FAM210B: variants seen among roughly 807,000 people sequenced by gnomAD.
The protein encoded by FAM210B is mitochondrial inner membrane scaffold 2, also known as family with sequence similarity 210 member B.
FAM210B carries 11 observed loss-of-function variants against 14.9 expected under a neutral mutation model. The observed-to-expected ratio is 0.74, with a 90% confidence interval of 0.46 to 1.22. The LOEUF is 1.22. Ranked by LOEUF, FAM210B falls within the 50% of genes most tolerant of loss-of-function variation. FAM210B has a pLI of 0.00. For missense variants in FAM210B, 229 were observed against 250.1 expected (o/e 0.92, Z 0.57); for synonymous variants, 113 against 110.2 (o/e 1.03, Z -0.16).
intron 1 of FAM210B, among the ~76,000 whole-genome samples, chr20:56,361,526 C>T (rs1022647378): frequency 6.6e-6 from 1 of 152,182 alleles, no homozygotes; most frequent in African/African-American, 2.4e-5. Context: ...GACCCAGACT[C>T]AGCGAGTTTG....
At position 56,366,600 on chromosome 20, in the gene FAM210B, G is replaced by C; in HGVS notation, c.*313G>C. ...GTTCCTTGTGGGAGACTTTGGCGAG[G>C]GTCTGTGGGTAAAAGCACCAGGGGG... is the stretch of plus-strand genomic sequence containing the variant. On this transcript the variant is annotated 3_prime_UTR_variant, in exon 3 of 3. Transcript: ENST00000371384. The C allele has an allele frequency of 3.9e-6, 1 of 254,844 alleles. No homozygotes were observed. The highest frequency in any genetic ancestry group is 7.6e-6 in the Non-Finnish European group (1 of 132,270). The allele number at this position is 254,844 out of a possible 1,614,324, so 15.8% of individuals were successfully genotyped here. A position where few individuals can be genotyped will look rare whatever the true frequency, so the allele number is the denominator to read the frequency against.
At chr20:56,365,018 T>TG in intron 1 of FAM210B, 69 bp from the exon 2 acceptor site, 1 of 1,446,746 alleles carries the variant, frequency 6.9e-7, no homozygotes, top group South Asian at 1.3e-5. Flanking sequence ...ATTGCATGCG[T>TG]GTATAAAAGC....
Position 56,359,100 on chromosome 20 carries a change from G to A in FAM210B, c.95G>A (p.Cys32Tyr). The change falls in exon 1 of 3, where the codon TGC becomes TAC. Residue 32 changes from cysteine (C) to tyrosine (Y), a missense_variant. Coordinates refer to ENST00000371384, the MANE Select transcript of FAM210B (RefSeq NM_080821.3). This position sits in a 1 kb window ranked among gnomAD's most constrained non-coding sequence, Gnocchi z 4.3. Reference protein sequence around the residue: ...ATWLLGATAPCAPPPLALALL... With the variant: ...ATWLLGATAPYAPPPLALALL... ...TGGCTCCTGGGCGCCACCGCCCCCT[G>A]CGCCCCGCCGCCCCTGGCCCTGGCC... 7.5e-7 allele frequency: 1 copy of A among 1,338,352 alleles called. No individual in the cohort carries two copies. Among genetic ancestry groups the A allele is most frequent in the East Asian group, 3.2e-5 (1 of 30,926 alleles). 82.9% of individuals were successfully genotyped at this position (1,338,352 alleles called of 1,614,324 possible). A position where few individuals can be genotyped will look rare whatever the true frequency, so the allele number is the denominator to read the frequency against.
rs1002190065 is a variant in FAM210B at position 56,359,549 on chromosome 20, G to C, written c.186+358G>C. Among the ~76,000 whole-genome samples, 1 of 152,192 alleles carries C rather than the reference G, an allele frequency of 6.6e-6. No individual in the cohort carries two copies. Among genetic ancestry groups the C allele is most frequent in the South Asian group, 2.1e-4 (1 of 4,834 alleles). Reference sequence around the variant, plus strand: ...GTTGTTGTCCAGGCCTTCTGGCTGGGTCTCGCTGTGTTTTGAACACCTCCC... The same window carrying C: ...GTTGTTGTCCAGGCCTTCTGGCTGGCTCTCGCTGTGTTTTGAACACCTCCC... On this transcript the variant is annotated intron_variant, in intron 1 of 2. Transcript: ENST00000371384. This position sits in a 1 kb window ranked among gnomAD's most constrained non-coding sequence, Gnocchi z 4.3.
intron 1 of FAM210B, 44 bp from the exon 2 acceptor site, chr20:56,365,043 C>T (rs1054729435): frequency 6.0e-5 from 94 of 1,574,610 alleles, no homozygotes; most frequent in African/African-American, 8.2e-5. Context: ...AATGACTGCC[C>T]GTGCCTGCCC....
rs1983645503 is a variant in FAM210B at position 56,366,814 on chromosome 20, G to A, written c.*527G>A. 6.5e-6 allele frequency: 1 copy of A among 154,268 alleles called. No individual in the cohort carries two copies. The highest frequency in any genetic ancestry group is 2.4e-5 in the African/African-American group (1 of 41,446). The allele number at this position is 154,268 out of a possible 1,614,324, so 9.6% of individuals were successfully genotyped here. A position where few individuals can be genotyped will look rare whatever the true frequency, so the allele number is the denominator to read the frequency against. The stretch of plus-strand genomic sequence containing the variant: ...CAATCTAAATTAGCATCAATACTTT[G>A]ACATTCATTACATTGGTTTGGGGGA... On this transcript the variant is annotated 3_prime_UTR_variant, in exon 3 of 3. Coordinates refer to ENST00000371384, the MANE Select transcript of FAM210B (RefSeq NM_080821.3).
At chr20:56,360,865 T>G (rs1344846537) in intron 1 of FAM210B, among the ~76,000 whole-genome samples, 3 of 152,008 alleles carry the variant, frequency 2.0e-5, no homozygotes, top group African/African-American at 4.8e-5. Flanking sequence ...GCAGGGAGGG[T>G]CTGGGCTTGG....
chr20:56,360,261 T>C (rs1372322874), intron 1 of FAM210B: 2 of 469,872 alleles, frequency 4.3e-6, no homozygotes, highest in African/African-American at 4.0e-5. Flanking sequence ...TCCTGATGAT[T>C]CTTCAGGGCC....
Position 56,359,070 on chromosome 20 carries a change from C to T in FAM210B, c.65C>T (p.Ala22Val), listed in dbSNP as rs1179475099. ...GRVGARVRPRATWLLGATAPC... is the reference protein window; with the variant it reads ...GRVGARVRPRVTWLLGATAPC... ...GTGGGCGCCCGGGTCCGGCCTCGCG[C>T]CACCTGGCTCCTGGGCGCCACCGCC... Residue 22 changes from alanine (A) to valine (V), a missense_variant, in exon 1 of 3, where the codon GCC becomes GTC. Around this residue, in one of 3 missense-constraint regions of FAM210B, gnomAD observed 144 missense variants for 132.5 expected, o/e 1.09. Coordinates refer to ENST00000371384, the MANE Select transcript of FAM210B (RefSeq NM_080821.3). The surrounding 1 kb of genome is among the most constrained non-coding windows in gnomAD (Gnocchi z 4.3). 20 of 1,356,264 alleles carry T rather than the reference C, an allele frequency of 1.5e-5. No individual in the cohort carries two copies. The highest frequency in any genetic ancestry group is 1.9e-5 in the Non-Finnish European group (20 of 1,050,104). 84.0% of individuals were successfully genotyped at this position (1,356,264 alleles called of 1,614,324 possible).
chr20:56,361,362 C>T (rs1569021672), intron 1 of FAM210B, among the ~76,000 whole-genome samples: 3 of 152,176 alleles, frequency 2.0e-5, no homozygotes, highest in Admixed American at 6.5e-5. Context: ...ATTGTCCCTG[C>T]CTTCCCATAA....
At position 56,363,830 on chromosome 20, in the gene FAM210B, G is replaced by A. The variant is rs529741136; in HGVS notation, c.187-1257G>A. 2.0e-5 allele frequency among the ~76,000 whole-genome samples: 3 copies of A among 152,252 alleles called. No homozygotes were observed. Among genetic ancestry groups the A allele is most frequent in the South Asian group, 2.1e-4 (1 of 4,824 alleles). ...TGATTCTAGGAGTAAATCTGCCATC[G>A]CTTTTGCTGCATTAATTTTGTGCGC... is the stretch of plus-strand genomic sequence containing the variant. On this transcript the variant is annotated intron_variant, in intron 1 of 2. Coordinates refer to ENST00000371384, the MANE Select transcript of FAM210B (RefSeq NM_080821.3). This position sits in a 1 kb window ranked among gnomAD's most constrained non-coding sequence, Gnocchi z 4.1.
rs1983476322 is a variant in FAM210B, at chr20:56,359,010, C to T, written c.5C>T (p.Ala2Val). 3.0e-6 allele frequency: 4 copies of T among 1,316,740 alleles called. No individual in the cohort carries two copies. Among genetic ancestry groups the T allele is most frequent in the Admixed American group, 6.3e-5 (2 of 31,802 alleles). The allele number at this position is 1,316,740 out of a possible 1,614,324, so 81.6% of individuals were successfully genotyped here. A position where few individuals can be genotyped will look rare whatever the true frequency, so the allele number is the denominator to read the frequency against. Residue 2 changes from alanine (A) to valine (V), a missense_variant, in exon 1 of 3, where the codon GCC (alanine) becomes GTC (valine). By Grantham distance (64) the Ala-to-Val change is moderately conservative. Coordinates refer to ENST00000371384, the MANE Select transcript of FAM210B (RefSeq NM_080821.3). The surrounding 1 kb of genome is among the most constrained non-coding windows in gnomAD (Gnocchi z 4.3). ...TGCTGCGCCTAGCTGCGCACCATGGCCGGGTTGCTGGCGTTGCTGGGTCCG... is the reference window on the plus strand; with the variant it reads ...TGCTGCGCCTAGCTGCGCACCATGGTCGGGTTGCTGGCGTTGCTGGGTCCG... M[A>V]GLLALLGPAG...
At chr20:56,364,487 C>A (rs1041804410) in intron 1 of FAM210B, among the ~76,000 whole-genome samples, 1 of 152,122 alleles carries the variant, frequency 6.6e-6, no homozygotes, top group Non-Finnish European at 1.5e-5. Flanking sequence ...CCAGGTAATC[C>A]GGGATCATCT....
rs1421448894 is a variant in FAM210B at position 56,359,091 on chromosome 20, C to G, written c.86C>G (p.Thr29Ser). Residue 29 changes from threonine to serine, a missense_variant, in exon 1 of 3, where the codon ACC becomes AGC. Thr to Ser is a moderately conservative substitution (Grantham distance 58). Around this residue, in one of 3 missense-constraint regions of FAM210B, gnomAD observed 144 missense variants for 132.5 expected, o/e 1.09. Transcript: ENST00000371384. This position sits in a 1 kb window ranked among gnomAD's most constrained non-coding sequence, Gnocchi z 4.3. ...CGCGCCACCTGGCTCCTGGGCGCCA[C>G]CGCCCCCTGCGCCCCGCCGCCCCTG... ...RPRATWLLGATAPCAPPPLAL... is the reference protein window; with the variant it reads ...RPRATWLLGASAPCAPPPLAL... The G allele has an allele frequency of 8.9e-6, 12 of 1,342,806 alleles. No individual in the cohort carries two copies. The highest frequency in any genetic ancestry group is 1.1e-5 in the Non-Finnish European group (12 of 1,044,964). The allele number at this position is 1,342,806 out of a possible 1,614,324, so 83.2% of individuals were successfully genotyped here.
At position 56,366,504 on chromosome 20, in the gene FAM210B, T is replaced by C; in HGVS notation, c.*217T>C. The C allele has an allele frequency of 1.9e-6, 1 of 527,424 alleles. No homozygotes were observed. The allele number at this position is 527,424 out of a possible 1,614,324, so 32.7% of individuals were successfully genotyped here. A position where few individuals can be genotyped will look rare whatever the true frequency, so the allele number is the denominator to read the frequency against. ...TGAATGCTATTCATTATAGGGCTTG[T>C]ATATATAATCTAAAATGTCAGCAAG... On this transcript the variant is annotated 3_prime_UTR_variant, in exon 3 of 3. Coordinates refer to ENST00000371384, the MANE Select transcript of FAM210B (RefSeq NM_080821.3).
intron 1 of FAM210B, among the ~76,000 whole-genome samples, chr20:56,364,143 C>T (rs946098066): frequency 6.6e-6 from 1 of 152,218 alleles, no homozygotes; most frequent in Non-Finnish European, 1.5e-5. Context: ...GCTGCTGTAA[C>T]AGATGAGCAC....
In FAM210B at chr20:56,359,110, G is replaced by A. The variant is rs767208418; in HGVS notation, c.105G>A (p.Pro35=). The A allele has an allele frequency of 1.5e-6, 2 of 1,329,786 alleles. No individual in the cohort carries two copies. The highest frequency in any genetic ancestry group is 1.9e-5 in the South Asian group (1 of 52,102). 82.4% of individuals were successfully genotyped at this position (1,329,786 alleles called of 1,614,324 possible). The change falls in exon 1 of 3, where the codon CCG becomes CCA. Residue 35 remains proline (P), a synonymous_variant. Coordinates refer to ENST00000371384, the MANE Select transcript of FAM210B (RefSeq NM_080821.3). This position sits in a 1 kb window ranked among gnomAD's most constrained non-coding sequence, Gnocchi z 4.3. Reference sequence around the variant, plus strand: ...GCGCCACCGCCCCCTGCGCCCCGCCGCCCCTGGCCCTGGCCCTGCTCCCGC... The same window carrying A: ...GCGCCACCGCCCCCTGCGCCCCGCCACCCCTGGCCCTGGCCCTGCTCCCGC... ...LLGATAPCAP[P]PLALALLPPR... is the part of the protein sequence containing the mutation.
rs558924794 is a variant in FAM210B at position 56,365,123 on chromosome 20, G to A, written c.223G>A (p.Val75Ile). The A allele has an allele frequency of 1.9e-5, 31 of 1,613,810 alleles. No homozygotes were observed. The highest frequency in any genetic ancestry group is 1.9e-4 in the African/African-American group (14 of 75,022). ...SQATGTTGSS[V>I]SCTEEKKQSK... ...GGCCACGGGGACAACAGGCAGCAGC[G>A]TCAGCTGCACAGAGGAGAAAAAGCA... is the stretch of plus-strand genomic sequence containing the variant. The change falls in exon 2 of 3, where the codon GTC becomes ATC. Residue 75 changes from valine to isoleucine, a missense_variant. By Grantham distance (29) the Val-to-Ile change is conservative. This residue lies in a region of FAM210B where 144 missense variants were observed against 132.5 expected (regional missense o/e 1.09). Transcript: ENST00000371384.
chr20:56,364,881 G>A (rs1401512343), intron 1 of FAM210B, among the ~76,000 whole-genome samples: 1 of 152,168 alleles, frequency 6.6e-6, no homozygotes, highest in Admixed American at 6.5e-5. Context: ...TTGAACCAGG[G>A]AGGTGGAGGT....
Sources: gnomAD v4.1 joint callset for allele counts (sites outside exome capture counted in the v4.1 genomes callset) on GRCh38, gnomAD v4.1.1 for gene constraint, gnomAD v4.1.1 regional missense constraint, Gnocchi (gnomAD v3.1) non-coding constraint, MANE v1.5 for transcripts, NCBI Gene and HGNC (gene_info 2026-07-23, HGNC 2026-07-21) for gene names.